Variants in LRP1B observed in about 807,000 individuals in gnomAD.
LRP1B encodes low-density lipoprotein receptor-related protein 1B.
Under a neutral mutation model 556.6 loss-of-function variants are expected in LRP1B, and 217 were observed. The observed-to-expected ratio is 0.39, with a 90% confidence interval of 0.35 to 0.44. LRP1B has a LOEUF of 0.44. LRP1B is among the 20% of genes least tolerant of loss of function. LRP1B has a pLI of 1.00. For synonymous variants in LRP1B, 2,047 were observed against 1,865.8 expected (o/e 1.10, Z -2.50); for missense variants, 5,053 against 5,620.8 (o/e 0.90, Z 3.23).
At chr2:140,696,643 C>T (rs999309418) in intron 41 of LRP1B, among the ~76,000 whole-genome samples, 2 of 152,110 alleles carry the variant, frequency 1.3e-5, no homozygotes, top group Admixed American at 1.3e-4. Context: ...GCAGGTGACT[C>T]AGCATTATCA....
chr2:141,602,902 C>T (rs1687798962), intron 2 of LRP1B, among the ~76,000 whole-genome samples: 1 of 152,046 alleles, frequency 6.6e-6, no homozygotes, highest in Non-Finnish European at 1.5e-5. Flanking sequence ...TATAAAATGC[C>T]AGTAAATGTT....
intron 18 of LRP1B, among the ~76,000 whole-genome samples, chr2:140,978,942 G>C (rs760099029): frequency 1.3e-5 from 2 of 152,078 alleles, no homozygotes; most frequent in Non-Finnish European, 2.9e-5. Context: ...ATCCAGTTGT[G>C]TGCTGCAGGC....
At chr2:141,333,223 G>A (rs774343199) in intron 3 of LRP1B, among the ~76,000 whole-genome samples, 3 of 152,036 alleles carry the variant, frequency 2.0e-5, no homozygotes, top group Non-Finnish European at 4.4e-5. Flanking sequence ...AATCATGGTA[G>A]TTACTCAATA....
chr2:141,625,162 G>A (rs1688661448), intron 2 of LRP1B, among the ~76,000 whole-genome samples: 1 of 152,160 alleles, frequency 6.6e-6, no homozygotes, highest in Non-Finnish European at 1.5e-5. Context: ...TTAATATGTT[G>A]TTTGTGGATC....
chr2:141,835,139 G>A (rs986395081), intron 1 of LRP1B, among the ~76,000 whole-genome samples: 9 of 152,112 alleles, frequency 5.9e-5, no homozygotes, highest in Non-Finnish European at 1.2e-4. Flanking sequence ...ATTAAGTGGG[G>A]TCAGCAAAAT....
chr2:141,663,174 A>G (rs1690290774), intron 2 of LRP1B, among the ~76,000 whole-genome samples: 1 of 152,202 alleles, frequency 6.6e-6, no homozygotes, highest in African/African-American at 2.4e-5. Flanking sequence ...AATATCTGGG[A>G]TGCAGCTAAA....
chr2:142,020,344 A>G (rs537626148), intron 1 of LRP1B, among the ~76,000 whole-genome samples: 1 of 152,310 alleles, frequency 6.6e-6, no homozygotes, highest in African/African-American at 2.4e-5. Context: ...GAGTACACAG[A>G]GAAGAGTTTT....
chr2:141,906,324 G>A (rs966528666), intron 1 of LRP1B, among the ~76,000 whole-genome samples: 1 of 151,688 alleles, frequency 6.6e-6, no homozygotes, highest in Non-Finnish European at 1.5e-5. Flanking sequence ...TGTCCATGGT[G>A]AGAATCTACT....
At chr2:140,528,735 T>C (rs1001570144) in intron 47 of LRP1B, among the ~76,000 whole-genome samples, 1 of 151,724 alleles carries the variant, frequency 6.6e-6, no homozygotes, top group Admixed American at 6.6e-5. Context: ...TGGGGATTAA[T>C]ATTGCCTTCA....
At chr2:141,971,057 A>C (rs1347671778) in intron 1 of LRP1B, among the ~76,000 whole-genome samples, 1 of 151,550 alleles carries the variant, frequency 6.6e-6, no homozygotes, top group Non-Finnish European at 1.5e-5. Context: ...TAGGATTAGC[A>C]AGCCTTAGAG....
chr2:141,070,866 G>A (rs1699620040), intron 7 of LRP1B, among the ~76,000 whole-genome samples: 2 of 151,982 alleles, frequency 1.3e-5, no homozygotes, highest in African/African-American at 4.8e-5. Flanking sequence ...ATAATCAATA[G>A]CTTACCAACC....
chr2:141,516,624 C>T (rs1257440143), intron 2 of LRP1B, among the ~76,000 whole-genome samples: 1 of 151,818 alleles, frequency 6.6e-6, no homozygotes, highest in Non-Finnish European at 1.5e-5. Context: ...CACTGTACCC[C>T]AGCCTGGGCA....
chr2:141,904,905 AC>A (rs2104940561), intron 1 of LRP1B, among the ~76,000 whole-genome samples: 1 of 152,072 alleles, frequency 6.6e-6, no homozygotes, highest in South Asian at 2.1e-4. Flanking sequence ...CAGAGACCTG[AC>A]CACCTACTTG....
chr2:141,314,859 T>TATATATACATATATACATAC (rs1327888019), intron 3 of LRP1B, among the ~76,000 whole-genome samples: 5 of 137,386 alleles, frequency 3.6e-5, no homozygotes, highest in African/African-American at 1.4e-4. Flanking sequence ...TATATATACA[T>TATATATACATATATACATAC]ATATATACAT....
intron 2 of LRP1B, among the ~76,000 whole-genome samples, chr2:141,564,759 G>C (rs915837572): frequency 6.6e-6 from 1 of 152,070 alleles, no homozygotes; most frequent in Non-Finnish European, 1.5e-5. Context: ...TCATCGAACA[G>C]AGAACAATGT....
At chr2:141,910,102 C>A (rs1248501617) in intron 1 of LRP1B, among the ~76,000 whole-genome samples, 1 of 144,322 alleles carries the variant, frequency 6.9e-6, no homozygotes, top group Non-Finnish European at 1.5e-5. Context: ...GATCACGCCA[C>A]TGCACTCCAG....
At position 140,514,693 on chromosome 2, in the gene LRP1B, A is replaced by G. The variant is rs1205017044; in HGVS notation, c.8229T>C (p.Asp2743=). ...ISKHWICDGE[D]DCGDGLDESD... ...TTTCATCTAACCCATCCCCACAGTC[A>G]TCTTCTCCATCACAAATCCAATGCT... Residue 2743 remains aspartate (D), a synonymous_variant, in exon 51 of 91, where the codon GAT becomes GAC. Transcript: ENST00000389484. 2 of 1,612,754 alleles carry G rather than the reference A, an allele frequency of 1.2e-6. No individual in the cohort carries two copies. Among genetic ancestry groups the G allele is most frequent in the South Asian group, 2.2e-5 (2 of 90,996 alleles).
At chr2:140,268,099 G>A (rs190762309) in intron 86 of LRP1B, among the ~76,000 whole-genome samples, 40 of 152,008 alleles carry the variant, frequency 2.6e-4, no homozygotes, top group East Asian at 2.3e-3. Context: ...GTGAGACAGG[G>A]GCAGGACAAA....
intron 31 of LRP1B, among the ~76,000 whole-genome samples, chr2:140,835,911 T>A (rs909539790): frequency 6.6e-6 from 1 of 152,166 alleles, no homozygotes; most frequent in African/African-American, 2.4e-5. Flanking sequence ...GTTGAATACC[T>A]TTTTTGTCCT....
Sources: gnomAD v4.1 joint callset for allele counts (sites outside exome capture counted in the v4.1 genomes callset) on GRCh38, gnomAD v4.1.1 for gene constraint, MANE v1.5 for transcripts, NCBI Gene and HGNC (gene_info 2026-07-23, HGNC 2026-07-21) for gene names.